PCDHA12: variants seen among roughly 807,000 people sequenced by gnomAD.
The protein encoded by PCDHA12 is protocadherin alpha 12.
Under a neutral mutation model 60.0 loss-of-function variants are expected in PCDHA12, and 44 were observed. The ratio of observed to expected loss-of-function variants is 0.73; its 90% confidence interval spans 0.58 to 0.94. PCDHA12 has a LOEUF of 0.94. PCDHA12 is among the 40% of genes least tolerant of loss of function. The probability of loss-of-function intolerance (pLI) is 0.00; values close to 1 mark genes in which losing one functional copy is unlikely to be tolerated. For missense variants in PCDHA12, 1,276 were observed against 1,239.7 expected (o/e 1.03, Z -0.44); for synonymous variants, 569 against 553.0 (o/e 1.03, Z -0.40).
chr5:140,997,672 GTGT>G (rs1226412114), intron 3 of PCDHA12, among the ~76,000 whole-genome samples: 3 of 148,192 alleles, frequency 2.0e-5, no homozygotes, highest in African/African-American at 7.5e-5. Context: ...TACAGCTTGT[GTGT>G]GTGTGTGTGT....
chr5:140,923,305 G>A (rs552769255), intron 1 of PCDHA12, among the ~76,000 whole-genome samples: 3 of 152,304 alleles, frequency 2.0e-5, no homozygotes, highest in South Asian at 2.1e-4. Context: ...GGGCGTGGGG[G>A]CGCTTGGCCT....
chr5:140,996,587 C>T (rs1260417239), intron 3 of PCDHA12, among the ~76,000 whole-genome samples: 4 of 151,994 alleles, frequency 2.6e-5, no homozygotes, highest in South Asian at 2.1e-4. Context: ...TAACAAGGGC[C>T]GCCTCCCCCC....
intron 1 of PCDHA12, among the ~76,000 whole-genome samples, chr5:140,950,241 G>T (rs191139851): frequency 2.0e-5 from 3 of 152,014 alleles, no homozygotes; most frequent in African/African-American, 4.8e-5. Flanking sequence ...CCATTAATTT[G>T]TTCCTAAAGA....
chr5:140,943,493 T>C (rs2093505211), intron 1 of PCDHA12, among the ~76,000 whole-genome samples: 1 of 152,118 alleles, frequency 6.6e-6, no homozygotes, highest in Non-Finnish European at 1.5e-5. Context: ...AAATAGATGC[T>C]ATCAAGGTTC....
rs782058694 is a variant in PCDHA12 at position 140,883,215 on chromosome 5, A to G, written c.2367+5376A>G. On this transcript the variant is annotated intron_variant, in intron 1 of 3. Coordinates refer to ENST00000398631, the MANE Select transcript of PCDHA12 (RefSeq NM_018903.4). ...CTAGATTTCGAAGAAAAGAAATTAT[A>G]TGAAATATCCGTGGAGGCAGTTGAC... 2.5e-6 allele frequency: 4 copies of G among 1,613,954 alleles called. No individual in the cohort carries two copies. Among genetic ancestry groups the G allele is most frequent in the Non-Finnish European group, 3.4e-6 (4 of 1,180,034 alleles).
intron 1 of PCDHA12, among the ~76,000 whole-genome samples, chr5:140,940,102 T>C (rs1372400488): frequency 2.0e-5 from 3 of 152,228 alleles, no homozygotes; most frequent in African/African-American, 7.2e-5. Context: ...ACTTTTAGCG[T>C]TATGTATTAT....
At chr5:140,963,631 G>A (rs1168776991) in intron 1 of PCDHA12, among the ~76,000 whole-genome samples, 2 of 152,144 alleles carry the variant, frequency 1.3e-5, no homozygotes, top group African/African-American at 2.4e-5. Flanking sequence ...TGTTGCATAC[G>A]CATCTTCCCT....
At chr5:140,985,740 T>TG (rs1554247304) in intron 3 of PCDHA12, among the ~76,000 whole-genome samples, 2 of 53,688 alleles carry the variant, frequency 3.7e-5, no homozygotes, top group Admixed American at 1.9e-4. Flanking sequence ...GATGAATTCC[T>TG]TTTTTTTTTT....
chr5:140,944,419 T>C (rs2093656334), intron 1 of PCDHA12, among the ~76,000 whole-genome samples: 2 of 152,184 alleles, frequency 1.3e-5, no homozygotes, highest in South Asian at 4.1e-4. Flanking sequence ...ACTCCTGATC[T>C]GAAGTGGTCT....
chr5:140,878,006 C>T (rs251378), intron 1 of PCDHA12, 167 bp downstream of exon 1: 602,670 of 913,772 alleles, frequency 0.66, 200,442 homozygotes, highest in African/African-American at 0.71. Flanking sequence ...ATTTGTCTAA[C>T]ATTAATGAAG....
At chr5:140,983,239 C>A (rs557831259) in intron 3 of PCDHA12, among the ~76,000 whole-genome samples, 53 of 152,294 alleles carry the variant, frequency 3.5e-4, no homozygotes, top group African/African-American at 1.2e-3. Context: ...GGAAAGAGAA[C>A]CTGCTAAGTT....
At chr5:140,884,143 G>C (rs782116778) in intron 1 of PCDHA12, 1 of 1,613,438 alleles carries the variant, frequency 6.2e-7, no homozygotes. Context: ...TCCGCGTGGG[G>C]CTGTACACTG....
At chr5:140,981,824 C>T (rs1350256595) in intron 2 of PCDHA12, among the ~76,000 whole-genome samples, 4 of 152,108 alleles carry the variant, frequency 2.6e-5, no homozygotes, top group African/African-American at 7.2e-5. Flanking sequence ...CTCTGCTTGC[C>T]TCTAAAGGTC....
At chr5:140,920,249 G>A (rs782292641) in intron 1 of PCDHA12, among the ~76,000 whole-genome samples, 15 of 152,174 alleles carry the variant, frequency 9.9e-5, no homozygotes, top group Admixed American at 3.3e-4. Context: ...ACAATACATC[G>A]CTATAATAAT....
intron 1 of PCDHA12, among the ~76,000 whole-genome samples, chr5:140,976,317 G>A (rs1284415282): frequency 6.6e-6 from 1 of 152,212 alleles, no homozygotes; most frequent in Admixed American, 6.5e-5. Context: ...TTGGGAGGCC[G>A]AGGAGGGTGG....
At chr5:140,966,925 A>T in intron 1 of PCDHA12, 8 of 1,603,462 alleles carry the variant, frequency 5.0e-6, no homozygotes, top group African/African-American at 1.3e-5. Context: ...AGGAGCAGGC[A>T]CCCGGCGCGC....
chr5:141,003,044 T>C (rs1459180030), intron 3 of PCDHA12, among the ~76,000 whole-genome samples: 1 of 152,230 alleles, frequency 6.6e-6, no homozygotes, highest in African/African-American at 2.4e-5. Flanking sequence ...CCTCCTGGCC[T>C]TAACAGAACA....
intron 1 of PCDHA12, among the ~76,000 whole-genome samples, chr5:140,922,616 A>G (rs2080916487): frequency 6.6e-6 from 1 of 152,242 alleles, no homozygotes; most frequent in African/African-American, 2.4e-5. Context: ...TATTAAAACT[A>G]TGGTACACAT....
Position 141,010,319 on chromosome 5 carries a change from C to G in PCDHA12, c.*382C>G. The G allele has an allele frequency of 6.5e-7, 1 of 1,545,436 alleles. No individual in the cohort carries two copies. Among genetic ancestry groups the G allele is most frequent in the South Asian group, 1.2e-5 (1 of 83,248 alleles). On this transcript the variant is annotated 3_prime_UTR_variant, in exon 4 of 4. Coordinates refer to ENST00000398631, the MANE Select transcript of PCDHA12 (RefSeq NM_018903.4). ...CAGGCTGAAAAGTTTTGAGATTGAG[C>G]AGCTTGGGAGTTTGTGGCCACTGGG...
Sources: gnomAD v4.1 joint callset for allele counts (sites outside exome capture counted in the v4.1 genomes callset) on GRCh38, gnomAD v4.1.1 for gene constraint, MANE v1.5 for transcripts, NCBI Gene and HGNC (gene_info 2026-07-23, HGNC 2026-07-21) for gene names.